RBFOX1: variants seen among roughly 807,000 people sequenced by gnomAD.
RBFOX1 encodes RNA binding fox-1 homolog 1, also known as RNA binding protein fox-1 homolog 1.
RBFOX1 carries 8 observed loss-of-function variants against 57.7 expected under a neutral mutation model. That is an observed-to-expected ratio of 0.14 (90% CI 0.08 to 0.25). RBFOX1 has a LOEUF of 0.25. RBFOX1 is among the 10% of genes least tolerant of loss of function. The pLI is 1.00. For missense variants in RBFOX1, 611 were observed against 548.5 expected, an observed-to-expected ratio of 1.11 and a Z score of -1.14; for synonymous variants, 326 against 222.4, an observed-to-expected ratio of 1.47 and a Z score of -4.15.
At chr16:7,570,381 A>C (rs574210211) in intron 5 of RBFOX1, among the ~76,000 whole-genome samples, 1 of 152,286 alleles carries the variant, frequency 6.6e-6, no homozygotes, top group African/African-American at 2.4e-5. Context: ...CCTACTGAGC[A>C]CAGAACTTCA....
chr16:7,118,882 C>G (rs2066495254), intron 4 of RBFOX1, among the ~76,000 whole-genome samples: 1 of 152,116 alleles, frequency 6.6e-6, no homozygotes, highest in Non-Finnish European at 1.5e-5. Context: ...AGAACTTGCT[C>G]AGATCTCTTA....
intron 3 of RBFOX1, among the ~76,000 whole-genome samples, chr16:7,016,154 C>G (rs1279347236): frequency 5.3e-5 from 8 of 152,150 alleles, no homozygotes. Flanking sequence ...CACCACCAGA[C>G]ATGACCATCC....
chr16:6,132,904 G>A (rs1005977129), intron 1 of RBFOX1, among the ~76,000 whole-genome samples: 1 of 150,036 alleles, frequency 6.7e-6, no homozygotes, highest in Admixed American at 6.6e-5. Context: ...GGCAGAGGTC[G>A]CAGTGAGCCG....
At chr16:7,456,577 C>A (rs2058554515) in intron 4 of RBFOX1, among the ~76,000 whole-genome samples, 1 of 152,172 alleles carries the variant, frequency 6.6e-6, no homozygotes, top group South Asian at 2.1e-4. Flanking sequence ...GCAGTCATTT[C>A]AAATTGATTT....
At chr16:6,344,257 G>A (rs112522181) in intron 2 of RBFOX1, among the ~76,000 whole-genome samples, 1 of 151,890 alleles carries the variant, frequency 6.6e-6, no homozygotes, top group African/African-American at 2.4e-5. Context: ...CACCATGTTG[G>A]CCAGGATGGT....
chr16:6,654,650 G>A lies in RBFOX1; in HGVS notation c.-16G>A. The A allele has an allele frequency of 6.6e-7, 1 of 1,508,028 alleles. No individual in the cohort carries two copies. The highest frequency in any genetic ancestry group is 1.3e-5 in the South Asian group (1 of 78,814). 93.4% of individuals were successfully genotyped at this position (1,508,028 alleles called of 1,614,324 possible). ...CCTGCGTGGAAATAGAAGACAGAAA[G>A]GTGAGTCAATATTTTTCATTTTTAG... On this transcript the variant is annotated splice_region_variant and 5_prime_UTR_variant, in exon 3 of 16. Transcript: ENST00000550418.
At chr16:5,402,529 T>G (rs1009804679) in intron 1 of RBFOX1, among the ~76,000 whole-genome samples, 1 of 152,204 alleles carries the variant, frequency 6.6e-6, no homozygotes, top group African/African-American at 2.4e-5. Flanking sequence ...CTTCCTTTTG[T>G]TATAACACAT....
intron 5 of RBFOX1, among the ~76,000 whole-genome samples, chr16:7,546,118 G>A (rs534239015): frequency 1.3e-5 from 2 of 151,886 alleles, no homozygotes; most frequent in African/African-American, 4.8e-5. Flanking sequence ...CCTGAGGTCA[G>A]GAGTTCGAGA....
At chr16:6,333,367 C>T (rs748382716) in intron 2 of RBFOX1, among the ~76,000 whole-genome samples, 3 of 152,106 alleles carry the variant, frequency 2.0e-5, no homozygotes, top group Non-Finnish European at 4.4e-5. Context: ...CTTTGCTATA[C>T]TCTTTCATAT....
intron 2 of RBFOX1, among the ~76,000 whole-genome samples, chr16:5,578,251 G>A (rs1193247955): frequency 6.6e-6 from 1 of 152,108 alleles, no homozygotes; most frequent in Non-Finnish European, 1.5e-5. Flanking sequence ...TGCCTGCCCT[G>A]GGGATTTGTG....
chr16:7,356,165 G>C (rs948639407), intron 4 of RBFOX1, among the ~76,000 whole-genome samples: 8 of 152,184 alleles, frequency 5.3e-5, no homozygotes, highest in Non-Finnish European at 1.2e-4. Flanking sequence ...GTAACTATCA[G>C]GCATTGATTC....
intron 2 of RBFOX1, among the ~76,000 whole-genome samples, chr16:5,492,318 A>G (rs932153679): frequency 3.3e-5 from 5 of 152,184 alleles, no homozygotes; most frequent in African/African-American, 9.7e-5. Context: ...TATTTAATGC[A>G]TATTCACTTA....
chr16:5,379,101 A>C (rs1269418382), intron 1 of RBFOX1, among the ~76,000 whole-genome samples: 1 of 151,452 alleles, frequency 6.6e-6, no homozygotes, highest in Non-Finnish European at 1.5e-5. Context: ...TTTTGCATCA[A>C]CCTAATGCAT....
chr16:7,109,553 G>C (rs533469359), intron 4 of RBFOX1, among the ~76,000 whole-genome samples: 1 of 152,122 alleles, frequency 6.6e-6, no homozygotes, highest in South Asian at 2.1e-4. Flanking sequence ...GGTCTCTGCA[G>C]TTGGAAGCTG....
chr16:6,248,898 C>G (rs543237784), intron 1 of RBFOX1, among the ~76,000 whole-genome samples: 9 of 152,118 alleles, frequency 5.9e-5, no homozygotes, highest in Admixed American at 2.0e-4. Context: ...GGGGAGTGCT[C>G]AGAGAGCATT....
At chr16:6,681,969 A>T (rs1227945835) in intron 3 of RBFOX1, among the ~76,000 whole-genome samples, 1 of 152,154 alleles carries the variant, frequency 6.6e-6, no homozygotes, top group Admixed American at 6.5e-5. Flanking sequence ...TCTTTTCTGA[A>T]CCTTTATTTC....
At chr16:7,463,349 C>G (rs1314330686) in intron 4 of RBFOX1, among the ~76,000 whole-genome samples, 3 of 152,082 alleles carry the variant, frequency 2.0e-5, no homozygotes, top group Non-Finnish European at 4.4e-5. Context: ...ACTAAAAATA[C>G]AAAAATTAGC....
Position 6,001,506 on chromosome 16 carries a change from C to A in RBFOX1, c.351+134171C>A, listed in dbSNP as rs201896277. Among the ~76,000 whole-genome samples, 22 of 152,228 alleles carry A rather than the reference C, an allele frequency of 1.4e-4. No individual in the cohort carries two copies. In the East Asian group the frequency reaches 4.1e-3, roughly 28 times the overall value. ...AGCAGCAGAATTGGGAGGTTGAACC[C>A]CATCATGTCTAACTCCAGAGTCCAT... On this transcript the variant is annotated intron_variant, in intron 4 of 19. Transcript: ENST00000641259.
chr16:6,765,696 A>G (rs560778939), intron 3 of RBFOX1, among the ~76,000 whole-genome samples: 2 of 152,324 alleles, frequency 1.3e-5, no homozygotes, highest in South Asian at 2.1e-4. Flanking sequence ...TATATTTATC[A>G]TAACACAATT....
Sources: allele counts gnomAD v4.1 joint callset (sites outside exome capture counted in the v4.1 genomes callset), GRCh38; gene constraint gnomAD v4.1.1; transcripts MANE v1.5; gene names NCBI Gene and HGNC (gene_info 2026-07-23, HGNC 2026-07-21).